The following DEPDC5 variants were observed in gnomAD, a reference collection of about 807,000 sequenced individuals.
DEPDC5 encodes GATOR1 complex protein DEPDC5.
A neutral mutation model predicts 217.3 loss-of-function variants in DEPDC5; 73 were observed. That is an observed-to-expected ratio of 0.34 (90% confidence interval 0.28 to 0.41). The LOEUF is 0.41. Ranked by LOEUF, DEPDC5 falls within the 10% of genes least tolerant of loss-of-function variation. The pLI is 1.00. For missense variants in DEPDC5, 1,675 were observed against 2,070.1 expected, an observed-to-expected ratio of 0.81 and a Z score of 3.70; for synonymous variants, 733 against 756.7, an observed-to-expected ratio of 0.97 and a Z score of 0.51.
chr22:31,815,460 G>T, intron 21 of DEPDC5: 2 of 674,364 alleles, frequency 3.0e-6, no homozygotes, highest in Non-Finnish European at 5.3e-6. Context: ...GCTCACCTCA[G>T]TGCGGCCTTG....
intron 36 of DEPDC5, 37 bp from the exon 37 acceptor site, chr22:31,876,120 C>T: frequency 1.2e-6 from 2 of 1,601,940 alleles, no homozygotes; most frequent in Admixed American, 1.7e-5. Context: ...CAAGATGCCT[C>T]TCTGCAGGAA....
chr22:31,755,083 C>A, intron 2 of DEPDC5, 104 bp downstream of exon 2: 1 of 1,351,888 alleles, frequency 7.4e-7, no homozygotes, highest in Non-Finnish European at 1.0e-6. Context: ...TGAGGCTAAA[C>A]AGGCGACTAA....
intron 38 of DEPDC5, among the ~76,000 whole-genome samples, chr22:31,887,083 G>GA (rs552759243): frequency 0.028 from 2,746 of 99,792 alleles, 19 homozygotes; most frequent in Middle Eastern, 0.086. Flanking sequence ...ATTCCATCTC[G>GA]AAAAAAAAAA....
intron 10 of DEPDC5, among the ~76,000 whole-genome samples, chr22:31,788,093 T>C (rs1205702278): frequency 6.6e-6 from 1 of 151,472 alleles, no homozygotes; most frequent in African/African-American, 2.4e-5. Flanking sequence ...TAAAAAATAA[T>C]TAAAATAATT....
intron 9 of DEPDC5, chr22:31,784,404 G>T (rs2084770041): frequency 5.3e-6 from 1 of 189,932 alleles, no homozygotes; most frequent in Non-Finnish European, 1.1e-5. Context: ...TGAGGTGGGC[G>T]GATCACCTGA....
intron 33 of DEPDC5, among the ~76,000 whole-genome samples, chr22:31,869,818 G>A (rs2092792003): frequency 6.6e-6 from 1 of 152,154 alleles, no homozygotes; most frequent in South Asian, 2.1e-4. Flanking sequence ...AGTTTTCAGA[G>A]TAACAGAATG....
Position 31,822,798 on chromosome 22 carries a change from A to G in DEPDC5, c.2104+8A>G. On this transcript the variant is annotated splice_region_variant and intron_variant, in intron 24 of 42. Coordinates refer to ENST00000651528, the MANE Select transcript of DEPDC5 (RefSeq NM_001242896.3). ...TTAGCAACAGTGGTGCAGGTAACCA[A>G]TCCAAGAGGTAATAGAGTTGGGATG... 8.7e-6 allele frequency: 14 copies of G among 1,613,362 alleles called. No homozygotes were observed. Among genetic ancestry groups the G allele is most frequent in the Non-Finnish European group, 1.2e-5 (14 of 1,179,670 alleles).
intron 41 of DEPDC5, 109 bp from the exon 42 acceptor site, chr22:31,905,873 TTC>T (rs2093749002): frequency 1.7e-5 from 16 of 954,210 alleles, no homozygotes; most frequent in Non-Finnish European, 2.5e-5. Context: ...AAAGAGATCT[TTC>T]CAGATCTCTG....
At chr22:31,808,279 G>A (rs1426036116) in intron 18 of DEPDC5, among the ~76,000 whole-genome samples, 1 of 141,180 alleles carries the variant, frequency 7.1e-6, no homozygotes, top group Non-Finnish European at 1.5e-5. Context: ...TTTTTTTTGA[G>A]ATGGAGTCTC....
chr22:31,899,288 A>G (rs980597181), intron 40 of DEPDC5, among the ~76,000 whole-genome samples: 5 of 152,130 alleles, frequency 3.3e-5, no homozygotes, highest in Admixed American at 2.6e-4. Context: ...TGTTCTTGCC[A>G]TTTCCTATAG....
At chr22:31,780,051 G>A (rs2084270002) in intron 8 of DEPDC5, among the ~76,000 whole-genome samples, 3 of 152,228 alleles carry the variant, frequency 2.0e-5, no homozygotes, top group African/African-American at 7.2e-5. Context: ...AACAGAATCA[G>A]AAGAAGGGAA....
rs1361577165 is a variant in DEPDC5 at position 31,792,025 on chromosome 22, A to G, written c.625-8A>G. ...ACTTCAACCCTGTTGTTCTCTACTC[A>G]TGCTTAGGAGAAGAACTGTAGTCAT... is the stretch of plus-strand genomic sequence containing the variant. On this transcript the variant is annotated splice_polypyrimidine_tract_variant and splice_region_variant and intron_variant, in intron 10 of 42. Coordinates refer to ENST00000651528, the MANE Select transcript of DEPDC5 (RefSeq NM_001242896.3). The G allele has an allele frequency of 5.0e-6, 8 of 1,606,510 alleles. No individual in the cohort carries two copies. The highest frequency in any genetic ancestry group is 2.2e-5 in the East Asian group (1 of 44,752).
At chr22:31,891,871 G>C (rs1419964169) in intron 38 of DEPDC5, among the ~76,000 whole-genome samples, 1 of 152,150 alleles carries the variant, frequency 6.6e-6, no homozygotes, top group Non-Finnish European at 1.5e-5. Context: ...GCGTATTTTA[G>C]GGCCTTAGCC....
chr22:31,823,682 C>T (rs137973672), intron 24 of DEPDC5, among the ~76,000 whole-genome samples: 20 of 152,132 alleles, frequency 1.3e-4, no homozygotes, highest in African/African-American at 4.6e-4. Context: ...TGGTTTTATG[C>T]TTTTTGGAAA....
intron 10 of DEPDC5, among the ~76,000 whole-genome samples, chr22:31,789,962 A>G (rs1426076863): frequency 6.6e-6 from 1 of 152,152 alleles, no homozygotes. Context: ...CTTCAGCTGC[A>G]AAATGGAGAT....
At chr22:31,854,730 C>G (rs1159115357) in intron 31 of DEPDC5, among the ~76,000 whole-genome samples, 1 of 152,086 alleles carries the variant, frequency 6.6e-6, no homozygotes, top group Admixed American at 6.6e-5. Flanking sequence ...GCCCAAATCC[C>G]TTGATGTAAC....
In DEPDC5 at chr22:31,768,932, G is replaced by A. The variant is rs552578246; in HGVS notation, c.413+69G>A. On this transcript the variant is annotated intron_variant, in intron 7 of 42. Transcript: ENST00000651528. ...CTACATAAAGCAGTGGAGGCGTATG[G>A]ATGTCCATATAATAAAATGTGTAAA... 161 of 1,554,654 alleles carry A rather than the reference G, an allele frequency of 1.0e-4. 1 individual carries two copies. The South Asian group carries it at 1.6e-3, about 16-fold the overall frequency.
chr22:31,877,455 A>AAAAAAC, intron 37 of DEPDC5, among the ~76,000 whole-genome samples: 1 of 146,596 alleles, frequency 6.8e-6, no homozygotes, highest in African/African-American at 2.5e-5. Flanking sequence ...AAAAAAAAAA[A>AAAAAAC]AAAAAAAAAA....
chr22:31,861,362 C>T lies in DEPDC5; in HGVS notation c.3265-6C>T. ...CTGCTGCTGCTTCCTCCTCCTGTGA[C>T]TTCAGGACGGGGCCTTCTTTATGGA... On this transcript the variant is annotated splice_polypyrimidine_tract_variant and splice_region_variant and intron_variant, in intron 32 of 42. Transcript: ENST00000651528. 1 of 1,551,534 alleles carries T rather than the reference C, an allele frequency of 6.4e-7. No individual in the cohort carries two copies. The highest frequency in any genetic ancestry group is 8.7e-7 in the Non-Finnish European group (1 of 1,146,926).
Sources: gnomAD v4.1 joint callset for allele counts (sites outside exome capture counted in the v4.1 genomes callset) on GRCh38, gnomAD v4.1.1 for gene constraint, MANE v1.5 for transcripts, NCBI Gene and HGNC (gene_info 2026-07-23, HGNC 2026-07-21) for gene names.